The following TFB1M variants were observed in gnomAD, a reference collection of about 807,000 sequenced individuals.
TFB1M encodes the protein transcription factor B1, mitochondrial.
In TFB1M, 27 loss-of-function variants were observed where a neutral mutation model predicts 31.1. The observed-to-expected ratio is 0.87, with a 90% CI of 0.64 to 1.20. TFB1M has a LOEUF of 1.20. Ranked by LOEUF, TFB1M falls within the 50% of genes most tolerant of loss-of-function variation. The pLI is 0.00. For missense variants in TFB1M, 394 were observed against 418.7 expected (o/e 0.94, Z 0.51); for synonymous variants, 166 against 151.8 (o/e 1.09, Z -0.69).
the TFB1M span, among the ~76,000 whole-genome samples, chr6:155,246,136 CAAG>C: frequency 1.9e-4 from 29 of 151,788 alleles, no homozygotes; most frequent in African/African-American, 6.5e-4. Context: ...ACGAAACTCA[CAAG>C]AAGTGTGTCA....
At chr6:155,263,039 C>G (rs993234554) in intron 5 of TFB1M, among the ~76,000 whole-genome samples, 1 of 152,110 alleles carries the variant, frequency 6.6e-6, no homozygotes. Flanking sequence ...TAAAACTCAG[C>G]GTCAACAAAG....
chr6:155,314,459 T>C lies in TFB1M; in HGVS notation c.-31A>G, dbSNP rs1332871671. 4.3e-6 allele frequency: 7 copies of C among 1,613,502 alleles called. No individual in the cohort carries two copies. Among genetic ancestry groups the C allele is most frequent in the South Asian group, 1.1e-5 (1 of 91,052 alleles). On this transcript the variant is annotated 5_prime_UTR_variant, in exon 1 of 7. Transcript: ENST00000367166. ...GCGGCAAGCACCATCCAACCCTACC[T>C]CACCCAGGACCTTCACCGCCGCTCC... is the stretch of plus-strand genomic sequence containing the variant.
the TFB1M span, among the ~76,000 whole-genome samples, chr6:155,233,857 G>A: frequency 2.0e-5 from 3 of 152,088 alleles, no homozygotes; most frequent in African/African-American, 4.8e-5. Context: ...CAGCTGCTTA[G>A]GAGGCTGAGG....
chr6:155,275,612 T>C (rs892873916), intron 5 of TFB1M: 2 of 1,178,306 alleles, frequency 1.7e-6, no homozygotes, highest in Admixed American at 4.6e-5. Context: ...CCTTTTTTCC[T>C]TAGGCTTTGT....
chr6:155,276,225 T>C (rs755131027), intron 5 of TFB1M: 2 of 1,614,190 alleles, frequency 1.2e-6, no homozygotes, highest in Non-Finnish European at 1.7e-6. Context: ...ATCGGATTCA[T>C]TTCTGCAATG....
downstream of TFB1M, chr6:155,254,687 C>T (rs545593463): frequency 2.9e-5 from 39 of 1,335,774 alleles, 1 homozygote; most frequent in African/African-American, 5.0e-4. Context: ...ATCGAGGTAC[C>T]TTTATCTCCT....
chr6:155,240,608 C>T, the TFB1M span: 1 of 1,614,184 alleles, frequency 6.2e-7, no homozygotes, highest in Non-Finnish European at 8.5e-7. Context: ...GCGGGAGAAT[C>T]AGGATCCTCC....
At chr6:155,260,664 C>T (rs1163923987) in intron 5 of TFB1M, 2 of 507,036 alleles carry the variant, frequency 3.9e-6, no homozygotes, top group Non-Finnish European at 7.2e-6. Context: ...AATTTTAAAA[C>T]ACAGTTTCAC....
chr6:155,273,652 CA>C (rs1353531773), intron 5 of TFB1M, among the ~76,000 whole-genome samples: 1 of 151,972 alleles, frequency 6.6e-6, no homozygotes. Flanking sequence ...GGGAAACACA[CA>C]GGGGGAGAAA....
downstream of TFB1M, chr6:155,253,696 C>T (rs138924938): frequency 6.2e-4 from 206 of 332,278 alleles, 1 homozygote; most frequent in African/African-American, 4.0e-3. Flanking sequence ...GAATAGGATC[C>T]ACTGAATCTC....
At chr6:155,261,875 C>G (rs1350137548) in intron 5 of TFB1M, among the ~76,000 whole-genome samples, 1 of 152,224 alleles carries the variant, frequency 6.6e-6, no homozygotes, top group Non-Finnish European at 1.5e-5. Flanking sequence ...TGAAGTCCAG[C>G]AGGCTGTTCT....
In TFB1M at chr6:155,302,715, T is replaced by C. The variant is rs557354264; in HGVS notation, c.286-4130A>G. ...ATTTTAAGTTTGTTGGATATTTCAA[T>C]GTCATTATCAAATCTTTCACTCTCT... On this transcript the variant is annotated intron_variant, in intron 2 of 6. Coordinates refer to ENST00000367166, the MANE Select transcript of TFB1M (RefSeq NM_016020.4). 3.9e-5 allele frequency among the ~76,000 whole-genome samples: 6 copies of C among 152,352 alleles called. No homozygotes were observed. In the East Asian group the frequency reaches 1.2e-3, roughly 29 times the overall value.
intron 4 of TFB1M, among the ~76,000 whole-genome samples, chr6:155,291,522 G>A (rs529841304): frequency 1.2e-4 from 18 of 152,298 alleles, no homozygotes; most frequent in African/African-American, 4.3e-4. Flanking sequence ...ACGGTCCTAC[G>A]TTTTTATGAT....
At chr6:155,234,692 A>C in the TFB1M span, among the ~76,000 whole-genome samples, 2 of 152,234 alleles carry the variant, frequency 1.3e-5, no homozygotes, top group Non-Finnish European at 2.9e-5. Flanking sequence ...GGCATGAGCC[A>C]CTGTGCCAGA....
chr6:155,260,202 GT>G, intron 6 of TFB1M, 70 bp downstream of exon 6: 3 of 1,525,458 alleles, frequency 2.0e-6, no homozygotes, highest in Non-Finnish European at 2.7e-6. Flanking sequence ...AGCAAACAAG[GT>G]TCTCACTCTT....
rs1784034408 is a variant in TFB1M at position 155,256,449 on chromosome 6, C to T, written c.*1387G>A. On this transcript the variant is annotated 3_prime_UTR_variant, in exon 7 of 7. Coordinates refer to ENST00000367166, the MANE Select transcript of TFB1M (RefSeq NM_016020.4). Reference sequence around the variant, plus strand: ...ACATTACACATTGTGTAACCTGTTTCTGTATCACAGCGAAATGTGTTTTTC... The same window carrying T: ...ACATTACACATTGTGTAACCTGTTTTTGTATCACAGCGAAATGTGTTTTTC... 3 of 1,613,622 alleles carry T rather than the reference C, an allele frequency of 1.9e-6. No individual in the cohort carries two copies. The South Asian group carries it at 3.3e-5, about 18-fold the overall frequency.
intron 5 of TFB1M, chr6:155,275,703 G>A (rs370497394): frequency 6.2e-7 from 1 of 1,603,282 alleles, no homozygotes; most frequent in South Asian, 1.1e-5. Context: ...TAAGAGGACA[G>A]ACTTAACAGT....
intron 5 of TFB1M, among the ~76,000 whole-genome samples, chr6:155,274,576 A>C (rs915515439): frequency 6.6e-6 from 1 of 152,242 alleles, no homozygotes; most frequent in African/African-American, 2.4e-5. Context: ...TTCTGGTCCC[A>C]ATTAGAAAGG....
intron 5 of TFB1M, among the ~76,000 whole-genome samples, chr6:155,271,131 C>T (rs1784896903): frequency 6.6e-6 from 1 of 152,128 alleles, no homozygotes; most frequent in African/African-American, 2.4e-5. Context: ...TTATTTACTA[C>T]TTTTAAAGAA....
Sources: gnomAD v4.1 joint callset for allele counts (sites outside exome capture counted in the v4.1 genomes callset) on GRCh38, gnomAD v4.1.1 for gene constraint, MANE v1.5 for transcripts, NCBI Gene and HGNC (gene_info 2026-07-23, HGNC 2026-07-21) for gene names.